ZNF277: variants seen among roughly 807,000 people sequenced by gnomAD.
ZNF277 encodes the protein nuclear receptor-interacting factor 4.
Under a neutral mutation model 60.7 loss-of-function variants are expected in ZNF277, and 55 were observed. The observed-to-expected ratio is 0.91, with a 90% CI of 0.73 to 1.13. The LOEUF is 1.13. Among genes scored for constraint, ZNF277 ranks in the 50% most tolerant of loss-of-function variants. The probability of loss-of-function intolerance (pLI) is 0.00; values close to 1 mark genes in which losing one functional copy is unlikely to be tolerated. For synonymous variants in ZNF277, 178 were observed against 179.3 expected (o/e 0.99, Z 0.06); for missense variants, 510 against 523.0 (o/e 0.98, Z 0.24).
chr7:112,298,068 C>T (rs1454320803), intron 4 of ZNF277, among the ~76,000 whole-genome samples: 1 of 152,196 alleles, frequency 6.6e-6, no homozygotes, highest in Non-Finnish European at 1.5e-5. Flanking sequence ...TCCATACATG[C>T]TCGTTGAATT....
intron 4 of ZNF277, among the ~76,000 whole-genome samples, chr7:112,303,354 A>G (rs1469219555): frequency 6.6e-6 from 1 of 152,110 alleles, no homozygotes; most frequent in Admixed American, 6.6e-5. Flanking sequence ...TTTTCATTGT[A>G]AATAATTTTT....
In ZNF277 at chr7:112,342,880, C is replaced by A; in HGVS notation, c.*151C>A. 14 of 553,758 alleles carry A rather than the reference C, an allele frequency of 2.5e-5. No homozygotes were observed. The South Asian group carries it at 2.7e-4, about 11-fold the overall frequency. 34.3% of individuals were successfully genotyped at this position (553,758 alleles called of 1,614,324 possible). ...ACTTTTCAAAAATGAATGTTCTTTT[C>A]AAAAAATAAAGTAGAAAAATGCACT... On this transcript the variant is annotated 3_prime_UTR_variant, in exon 12 of 12. Transcript: ENST00000361822.
At chr7:112,208,673 G>GTTT in intron 1 of ZNF277, among the ~76,000 whole-genome samples, 1 of 56,818 alleles carries the variant, frequency 1.8e-5, no homozygotes, top group Non-Finnish European at 3.6e-5. Flanking sequence ...TGTATGATTT[G>GTTT]ATTTTTTTTT....
chr7:112,283,840 A>C (rs1006444252), intron 1 of ZNF277, among the ~76,000 whole-genome samples: 1 of 152,208 alleles, frequency 6.6e-6, no homozygotes, highest in African/African-American at 2.4e-5. Context: ...TGGGCTACTG[A>C]TATTTGCATA....
chr7:112,325,939 T>C (rs767251029), intron 5 of ZNF277, among the ~76,000 whole-genome samples: 1 of 152,170 alleles, frequency 6.6e-6, no homozygotes, highest in Non-Finnish European at 1.5e-5. Flanking sequence ...CACTGTGGCC[T>C]ACCTGAACAG....
rs1182338969 is a variant in ZNF277 at position 112,337,838 on chromosome 7, G to A, written c.966+12G>A. The A allele has an allele frequency of 6.2e-7, 1 of 1,601,200 alleles. No individual in the cohort carries two copies. The highest frequency in any genetic ancestry group is 8.5e-7 in the Non-Finnish European group (1 of 1,173,740). The stretch of plus-strand genomic sequence containing the variant: ...ATGTCCACATGGAGGTAAGATACCT[G>A]TATTTATTTGAATTTTGTTTTATTC... On this transcript the variant is annotated intron_variant, in intron 9 of 11. Coordinates refer to ENST00000361822, the MANE Select transcript of ZNF277 (RefSeq NM_021994.3).
Position 112,277,975 on chromosome 7 carries a change from G to A in ZNF277, c.92-8898G>A, listed in dbSNP as rs141782226. ...TAGGATCATTTGTTTTTTATCTTTT[G>A]TCTCCAAAAGATTGCATTCTCCATA... On this transcript the variant is annotated intron_variant, in intron 1 of 11. Coordinates refer to ENST00000361822, the MANE Select transcript of ZNF277 (RefSeq NM_021994.3). Among the ~76,000 whole-genome samples the A allele has an allele frequency of 8.3e-3, 1,261 of 152,194 alleles. 66 individuals are homozygous for A. Among genetic ancestry groups the A allele is most frequent in the Admixed American group, 0.077 (1,177 of 15,280 alleles).
chr7:112,277,533 G>A (rs945468691), intron 1 of ZNF277, among the ~76,000 whole-genome samples: 7 of 152,076 alleles, frequency 4.6e-5, no homozygotes, highest in Non-Finnish European at 8.8e-5. Flanking sequence ...GCATAAATTC[G>A]ATCTGTCTTG....
chr7:112,296,343 C>A (rs1584387612), intron 4 of ZNF277, 32 bp downstream of exon 4: 3 of 1,101,164 alleles, frequency 2.7e-6, no homozygotes, highest in Non-Finnish European at 4.0e-6. Flanking sequence ...TGAATAGTGT[C>A]TTGAAAATAC....
intron 7 of ZNF277, among the ~76,000 whole-genome samples, chr7:112,332,974 C>T (rs1793256262): frequency 6.6e-6 from 1 of 151,708 alleles, no homozygotes; most frequent in African/African-American, 2.4e-5. Flanking sequence ...AAAAACTGTC[C>T]CAAATACTAA....
intron 1 of ZNF277, among the ~76,000 whole-genome samples, chr7:112,275,338 C>T (rs1245462485): frequency 6.6e-6 from 1 of 152,164 alleles, no homozygotes; most frequent in Non-Finnish European, 1.5e-5. Flanking sequence ...TTTGAATGCT[C>T]TGAAGTATCT....
chr7:112,279,412 G>A (rs1791891474), intron 1 of ZNF277, among the ~76,000 whole-genome samples: 1 of 152,138 alleles, frequency 6.6e-6, no homozygotes, highest in Non-Finnish European at 1.5e-5. Context: ...GGTACGAGAT[G>A]ATATCTCATT....
intron 1 of ZNF277, among the ~76,000 whole-genome samples, chr7:112,250,223 G>A (rs1453801434): frequency 6.6e-6 from 1 of 152,038 alleles, no homozygotes; most frequent in East Asian, 1.9e-4. Flanking sequence ...GTCTCCCATA[G>A]CGCTCCCAGG....
At position 112,217,912 on chromosome 7, in the gene ZNF277, C is replaced by T. The variant is rs376497256; in HGVS notation, c.91+11105C>T. Among the ~76,000 whole-genome samples the T allele has an allele frequency of 1.4e-4, 21 of 152,132 alleles. No individual in the cohort carries two copies. The East Asian group carries it at 2.7e-3, about 20-fold the overall frequency. On this transcript the variant is annotated intron_variant, in intron 1 of 11. Transcript: ENST00000361822. ...AAACTGGCTCATCCGGTCTTGTGGC[C>T]GCCACCCAGAAACTGACTTAGCGCA... is the stretch of plus-strand genomic sequence containing the variant.
chr7:112,337,404 G>A (rs930248272), intron 8 of ZNF277, among the ~76,000 whole-genome samples: 4 of 152,190 alleles, frequency 2.6e-5, no homozygotes, highest in African/African-American at 9.7e-5. Context: ...CACATTTTCT[G>A]ATATGTCTCC....
chr7:112,301,883 T>G (rs1471080402), intron 4 of ZNF277, among the ~76,000 whole-genome samples: 1 of 152,164 alleles, frequency 6.6e-6, no homozygotes, highest in Non-Finnish European at 1.5e-5. Context: ...TATTGGCTTG[T>G]AATTTCTATA....
chr7:112,248,782 A>G (rs1278607584), intron 1 of ZNF277, among the ~76,000 whole-genome samples: 1 of 152,162 alleles, frequency 6.6e-6, no homozygotes, highest in Non-Finnish European at 1.5e-5. Context: ...ATTTAACTAT[A>G]CATTCAAAAA....
rs570901928 is a variant in ZNF277 at position 112,210,660 on chromosome 7, CAG to C, written c.91+3856_91+3857del. Among the ~76,000 whole-genome samples the C allele has an allele frequency of 1.7e-4, 26 of 151,862 alleles. No homozygotes were observed. The South Asian group carries it at 5.4e-3, about 32-fold the overall frequency. On this transcript the variant is annotated intron_variant, in intron 1 of 11. Coordinates refer to ENST00000361822, the MANE Select transcript of ZNF277 (RefSeq NM_021994.3). ...CTAATTTTTATATTTTTAGTAGAGA[CAG>C]AGTTTCGCCATCTAGGCCAGGCTGG... is the stretch of plus-strand genomic sequence containing the variant.
intron 1 of ZNF277, among the ~76,000 whole-genome samples, chr7:112,228,290 T>C (rs1822228232): frequency 1.3e-5 from 2 of 152,086 alleles, no homozygotes; most frequent in Admixed American, 1.3e-4. Context: ...TATTTCCAAA[T>C]AAAATCACAT....
Sources: allele counts gnomAD v4.1 joint callset (sites outside exome capture counted in the v4.1 genomes callset), GRCh38; gene constraint gnomAD v4.1.1; transcripts MANE v1.5; gene names NCBI Gene and HGNC (gene_info 2026-07-23, HGNC 2026-07-21).